Variants in ANXA3 observed in about 807,000 individuals in gnomAD.
The protein encoded by ANXA3 is annexin A3.
ANXA3 carries 46 observed loss-of-function variants against 48.8 expected under a neutral mutation model. That is an observed-to-expected ratio of 0.94 (90% CI 0.74 to 1.21). The LOEUF (loss-of-function observed/expected upper bound fraction) is 1.21. Among genes scored for constraint, ANXA3 ranks in the 50% most tolerant of loss-of-function variants. The pLI, the probability that ANXA3 is intolerant of heterozygous loss-of-function variation, is 0.00. For missense variants in ANXA3, 383 were observed against 378.6 expected (o/e 1.01, Z -0.10); for synonymous variants, 128 against 134.7 (o/e 0.95, Z 0.35).
chr4:78,575,213 CTTCT>C (rs1722922401), intron 3 of ANXA3, among the ~76,000 whole-genome samples: 1 of 151,732 alleles, frequency 6.6e-6, no homozygotes, highest in South Asian at 2.1e-4. Flanking sequence ...GTTGGTTTGT[CTTCT>C]TTATGATTGG....
At chr4:78,606,809 C>T (rs1723659363) in intron 12 of ANXA3, among the ~76,000 whole-genome samples, 1 of 152,098 alleles carries the variant, frequency 6.6e-6, no homozygotes, top group Admixed American at 6.6e-5. Flanking sequence ...GAGATGCATG[C>T]ATAAGTTGAA....
chr4:78,595,317 A>T, intron 7 of ANXA3, 64 bp from the exon 8 acceptor site: 2 of 1,550,594 alleles, frequency 1.3e-6, no homozygotes, highest in South Asian at 2.2e-5. Flanking sequence ...CTGCTGGTTG[A>T]AGTACTATGT....
In ANXA3 at chr4:78,586,283, C is replaced by T; in HGVS notation, c.336C>T (p.Ala112=). The T allele has an allele frequency of 1.2e-6, 2 of 1,613,514 alleles. No individual in the cohort carries two copies. Among genetic ancestry groups the T allele is most frequent in the Non-Finnish European group, 1.7e-6 (2 of 1,179,706 alleles). ...SMKGAGTNED[A]LIEILTTRTS... is the part of the protein sequence containing the mutation. The stretch of plus-strand genomic sequence containing the variant: ...AGGGCGCGGGAACAAACGAAGATGC[C>T]TTGATTGAAATCTTAACTACCAGGA... Residue 112 remains alanine, a synonymous_variant, in exon 6 of 13, where the codon GCC becomes GCT. Transcript: ENST00000264908.
chr4:78,554,380 T>G (rs1237880879), intron 1 of ANXA3, 56 bp from the exon 2 acceptor site: 2 of 1,212,880 alleles, frequency 1.6e-6, no homozygotes, highest in South Asian at 1.2e-5. Context: ...TGGACTAAGA[T>G]TATTGTGTTC....
intron 6 of ANXA3, among the ~76,000 whole-genome samples, chr4:78,588,786 A>C (rs1723229985): frequency 6.6e-6 from 1 of 152,326 alleles, no homozygotes; most frequent in East Asian, 1.9e-4. Context: ...CCTGCCTTCC[A>C]GTCCCCTCTA....
chr4:78,609,933 C>T, intron 12 of ANXA3, 123 bp from the exon 13 acceptor site: 2 of 515,796 alleles, frequency 3.9e-6, no homozygotes, highest in Non-Finnish European at 6.7e-6. Flanking sequence ...GTATGTTTTA[C>T]TAAATGGTAT....
intron 9 of ANXA3, 66 bp downstream of exon 9, chr4:78,595,953 T>A: frequency 9.1e-7 from 1 of 1,094,940 alleles, no homozygotes; most frequent in Non-Finnish European, 1.4e-6. Context: ...GCATTTAGTA[T>A]ACAAAGATCT....
At chr4:78,595,219 A>G (rs1723393141) in intron 7 of ANXA3, among the ~76,000 whole-genome samples, 162 bp from the exon 8 acceptor site, 1 of 152,218 alleles carries the variant, frequency 6.6e-6, no homozygotes, top group Non-Finnish European at 1.5e-5. Context: ...TTTCATGACT[A>G]GTCAATGGCA....
At chr4:78,552,096 G>GC (rs1010437533) in intron 1 of ANXA3, 2 of 152,414 alleles carry the variant, frequency 1.3e-5, no homozygotes, top group African/African-American at 4.8e-5. Flanking sequence ...GGGGGAAAGT[G>GC]CCGTGCCATG....
In ANXA3 at chr4:78,579,030, CTGATGAGA is replaced by C. The variant is rs1723020406; in HGVS notation, c.108_115del (p.Asp37AsnfsTer8). ...AAATAACTTTTGTTTCATTTAGGAA[CTGATGAGA>C]AAATGCTCATCAGCATTCTGACTGA... On this transcript the variant is annotated frameshift_variant, in exon 4 of 13. Coordinates refer to ENST00000264908, the MANE Select transcript of ANXA3 (RefSeq NM_005139.3). LOFTEE classifies it high-confidence loss of function. The C allele has an allele frequency of 6.2e-7, 1 of 1,606,006 alleles. No homozygotes were observed. The highest frequency in any genetic ancestry group is 1.3e-5 in the African/African-American group (1 of 74,796).
intron 1 of ANXA3, chr4:78,552,468 A>G (rs1279065742): frequency 6.6e-6 from 1 of 152,188 alleles, no homozygotes. Context: ...TTTTTCCTGA[A>G]AAGACTAACC....
intron 2 of ANXA3, 92 bp downstream of exon 2, chr4:78,554,580 G>C: frequency 2.6e-6 from 3 of 1,145,750 alleles, no homozygotes; most frequent in Non-Finnish European, 3.9e-6. Flanking sequence ...TTTTAGGAAA[G>C]TTTTTAAGTT....
chr4:78,610,119 A>G lies in ANXA3; in HGVS notation c.*4A>G, dbSNP rs550386942. The G allele has an allele frequency of 3.7e-6, 6 of 1,607,070 alleles. No homozygotes were observed. In the African/African-American group the frequency reaches 8.0e-5, roughly 21 times the overall value. On this transcript the variant is annotated 3_prime_UTR_variant, in exon 13 of 13. Coordinates refer to ENST00000264908, the MANE Select transcript of ANXA3 (RefSeq NM_005139.3). ...AATCTGTGGTGGAGATGACTGAACCAAGAAGATAATCTCCAAAGGTCCACG... is the reference window on the plus strand; with the variant it reads ...AATCTGTGGTGGAGATGACTGAACCGAGAAGATAATCTCCAAAGGTCCACG...
At chr4:78,603,972 C>T in intron 11 of ANXA3, 1 of 198,200 alleles carries the variant, frequency 5.0e-6, no homozygotes, top group Non-Finnish European at 1.0e-5. Context: ...TCCCATGGTA[C>T]CCAATATTTT....
At chr4:78,558,525 A>T (rs909684284) in intron 2 of ANXA3, among the ~76,000 whole-genome samples, 2 of 152,204 alleles carry the variant, frequency 1.3e-5, no homozygotes, top group African/African-American at 4.8e-5. Flanking sequence ...TATGTGTATG[A>T]TTAGTTTATT....
intron 11 of ANXA3, chr4:78,603,604 GCAGT>G (rs1469187242): frequency 6.6e-6 from 1 of 152,150 alleles, no homozygotes; most frequent in African/African-American, 2.4e-5. Context: ...TTCTCATGCT[GCAGT>G]CAAAGTGATT....
intron 2 of ANXA3, among the ~76,000 whole-genome samples, chr4:78,570,529 A>G (rs1722822482): frequency 6.6e-6 from 1 of 152,258 alleles, no homozygotes; most frequent in Non-Finnish European, 1.5e-5. Flanking sequence ...AGTATATAGA[A>G]GGTGTGTCCT....
rs145492175 is a variant in ANXA3, at chr4:78,583,216, C to A, written c.312+926C>A. Among the ~76,000 whole-genome samples the A allele has an allele frequency of 3.5e-3, 535 of 152,262 alleles. 2 individuals are homozygous for A. Among genetic ancestry groups the A allele is most frequent in the African/African-American group, 0.013 (525 of 41,546 alleles). ...AATTAGCTGTGCATAGTAGTGCATT[C>A]CTGTAGTCCCAGCTACTTGGGAGGC... On this transcript the variant is annotated intron_variant, in intron 5 of 12. Coordinates refer to ENST00000264908, the MANE Select transcript of ANXA3 (RefSeq NM_005139.3).
In ANXA3 at chr4:78,591,580, A is replaced by C. The variant is rs1443164985; in HGVS notation, c.440A>C (p.Glu147Ala). 6.2e-7 allele frequency: 1 copy of C among 1,613,820 alleles called. No individual in the cohort carries two copies. The highest frequency in any genetic ancestry group is 2.2e-5 in the East Asian group (1 of 44,856). The part of the protein sequence containing the change: ...KKSLGDDISS[E>A]TSGDFRKALL... ...AGTCTTGGAGATGACATTAGTTCCG[A>C]AACATCTGGTGACTTCCGGAAAGCT... Residue 147 changes from glutamate to alanine, a missense_variant, in exon 7 of 13, where the codon GAA becomes GCA. Transcript: ENST00000264908.
Sources: gnomAD v4.1 joint callset for allele counts (sites outside exome capture counted in the v4.1 genomes callset) on GRCh38, gnomAD v4.1.1 for gene constraint, MANE v1.5 for transcripts, NCBI Gene and HGNC (gene_info 2026-07-23, HGNC 2026-07-21) for gene names.